Variants in PYGB observed in about 807,000 individuals in gnomAD.
The protein encoded by PYGB is glycogen phosphorylase B.
A neutral mutation model predicts 94.3 loss-of-function variants in PYGB; 82 were observed. That is an observed-to-expected ratio of 0.87 (90% CI 0.73 to 1.04). The LOEUF (loss-of-function observed/expected upper bound fraction) is 1.04, where lower values mean the gene tolerates loss of function less well. Among genes scored for constraint, PYGB ranks in the 50% least tolerant of loss-of-function variants. The pLI is 0.00. For synonymous variants in PYGB, 488 were observed against 479.1 expected, an observed-to-expected ratio of 1.02 and a Z score of -0.24; for missense variants, 1,132 against 1,158.2, an observed-to-expected ratio of 0.98 and a Z score of 0.33.
chr20:25,261,785 A>C (rs1387026747), intron 2 of PYGB, among the ~76,000 whole-genome samples: 1 of 152,232 alleles, frequency 6.6e-6, no homozygotes, highest in East Asian at 1.9e-4. Flanking sequence ...AAGTCCTTAA[A>C]TGACCTGACG....
At chr20:25,270,321 C>T (rs1386134157) in intron 3 of PYGB, among the ~76,000 whole-genome samples, 1 of 151,574 alleles carries the variant, frequency 6.6e-6, no homozygotes, top group African/African-American at 2.4e-5. Context: ...CCTGCCTCAG[C>T]CTCCCCAAGT....
chr20:25,292,266 G>GGGAGCAGGGAGTA (rs2088474558), intron 16 of PYGB, 140 bp from the exon 17 acceptor site: 3 of 982,508 alleles, frequency 3.1e-6, no homozygotes, highest in Non-Finnish European at 4.4e-6. Flanking sequence ...GAGCGGGAGT[G>GGGAGCAGGGAGTA]GGGGCTGGAG....
chr20:25,256,508 A>C (rs8114792), intron 1 of PYGB, among the ~76,000 whole-genome samples: 78,338 of 146,774 alleles, frequency 0.53, 21,092 homozygotes, highest in East Asian at 0.98. Flanking sequence ...AAAAAAAAAA[A>C]CAAAAACAAA....
chr20:25,281,042 CT>C lies in PYGB; in HGVS notation c.1334del (p.Leu445ArgfsTer3). On this transcript the variant is annotated frameshift_variant, in exon 11 of 20. Transcript: ENST00000216962. LOFTEE classifies it high-confidence loss of function. ...GDCKRINMAH[L>X]CVIGSHAVNG... Reference sequence around the variant, plus strand: ...CTGCAAGCGGATCAACATGGCCCACCTGTGTGTGATTGGGTCCCATGCTGTC... The same window carrying C: ...CTGCAAGCGGATCAACATGGCCCACCGTGTGTGATTGGGTCCCATGCTGTC... 1 of 1,614,194 alleles carries C rather than the reference CT, an allele frequency of 6.2e-7. No individual in the cohort carries two copies. The highest frequency in any genetic ancestry group is 8.5e-7 in the Non-Finnish European group (1 of 1,180,026).
In PYGB at chr20:25,288,640, C is replaced by G. The variant is rs1370474371; in HGVS notation, c.1827+157C>G. 5 of 824,496 alleles carry G rather than the reference C, an allele frequency of 6.1e-6. No individual in the cohort carries two copies. The South Asian group carries it at 6.8e-5, about 11-fold the overall frequency. 51.1% of individuals were successfully genotyped at this position (824,496 alleles called of 1,614,324 possible). A position where few individuals can be genotyped will look rare whatever the true frequency, so the allele number is the denominator to read the frequency against. Reference sequence around the variant, plus strand: ...TGGTATGCCTGTGGGGGTGGGGACCCTGTAGAGAGTCAGAATGGGATGGAA... The same window carrying G: ...TGGTATGCCTGTGGGGGTGGGGACCGTGTAGAGAGTCAGAATGGGATGGAA... On this transcript the variant is annotated intron_variant, in intron 15 of 19. Coordinates refer to ENST00000216962, the MANE Select transcript of PYGB (RefSeq NM_002862.4).
At chr20:25,259,159 A>G in intron 1 of PYGB, 78 bp from the exon 2 acceptor site, 1 of 1,274,054 alleles carries the variant, frequency 7.8e-7, no homozygotes, top group Admixed American at 1.8e-5. Context: ...GCTTGGCTTC[A>G]TGGGTCGTGT....
At chr20:25,270,601 A>G (rs12625357) in intron 3 of PYGB, among the ~76,000 whole-genome samples, 17,449 of 152,056 alleles carry the variant, frequency 0.11, 1,790 homozygotes, top group East Asian at 0.58. Context: ...GGGCTCAAGC[A>G]ATCCCCCAAC....
rs762272056 is a variant in PYGB, at chr20:25,292,544, A to C, written c.2108A>C (p.Glu703Ala). The C allele has an allele frequency of 7.4e-6, 12 of 1,613,282 alleles. No individual in the cohort carries two copies. Among genetic ancestry groups the C allele is most frequent in the Middle Eastern group, 3.3e-4 (2 of 6,062 alleles). ...MDGANVEMAE[E>A]AGAENLFIFG... ...GGCGCCAACGTGGAGATGGCCGAGG[A>C]GGCCGGGGCCGAGAACCTCTTCATC... Residue 703 changes from glutamate to alanine, a missense_variant, in exon 17 of 20, where the codon GAG (glutamate) becomes GCG (alanine). Transcript: ENST00000216962.
At chr20:25,260,676 G>C (rs1398370099) in intron 2 of PYGB, among the ~76,000 whole-genome samples, 1 of 152,186 alleles carries the variant, frequency 6.6e-6, no homozygotes, top group Non-Finnish European at 1.5e-5. Context: ...AAAGCAGGGC[G>C]AGGCATTGCC....
rs188002147 is a variant in PYGB at position 25,262,734 on chromosome 20, A to C, written c.345+3396A>C. Among the ~76,000 whole-genome samples the C allele has an allele frequency of 1.4e-3, 206 of 151,956 alleles. 1 individual carries two copies. Among genetic ancestry groups the C allele is most frequent in the African/African-American group, 4.7e-3 (194 of 41,228 alleles). On this transcript the variant is annotated intron_variant, in intron 2 of 19. Coordinates refer to ENST00000216962, the MANE Select transcript of PYGB (RefSeq NM_002862.4). ...TTCAGGAGACCCATCTCACATGCGG[A>C]GACACACATAGGCTCAAAATAAAGG...
At chr20:25,266,301 C>T (rs1027108152) in intron 2 of PYGB, among the ~76,000 whole-genome samples, 6 of 151,302 alleles carry the variant, frequency 4.0e-5, no homozygotes, top group South Asian at 2.1e-4. Flanking sequence ...CAGTGGAGAA[C>T]GATGTCTTTT....
intron 6 of PYGB, 46 bp from the exon 7 acceptor site, chr20:25,277,198 G>C: frequency 6.8e-7 from 1 of 1,462,718 alleles, no homozygotes; most frequent in South Asian, 1.1e-5. Context: ...TGCAGTGCTG[G>C]TGCCAGGAGG....
Position 25,278,232 on chromosome 20 carries a change from C to T in PYGB, c.856-87C>T, listed in dbSNP as rs2088331209. On this transcript the variant is annotated intron_variant, in intron 7 of 19. Coordinates refer to ENST00000216962, the MANE Select transcript of PYGB (RefSeq NM_002862.4). Reference sequence around the variant, plus strand: ...TGGGCTCCTCTCGGCCTTCTGCCTGCACCTTTGAGCCAGGTCGCTGACCTG... The same window carrying T: ...TGGGCTCCTCTCGGCCTTCTGCCTGTACCTTTGAGCCAGGTCGCTGACCTG... The T allele has an allele frequency of 5.9e-6, 6 of 1,010,576 alleles. No homozygotes were observed. The African/African-American group carries it at 7.5e-5, about 13-fold the overall frequency. 62.6% of individuals were successfully genotyped at this position (1,010,576 alleles called of 1,614,324 possible). A position where few individuals can be genotyped will look rare whatever the true frequency, so the allele number is the denominator to read the frequency against.
At chr20:25,277,130 G>C in intron 6 of PYGB, 114 bp from the exon 7 acceptor site, 2 of 780,168 alleles carry the variant, frequency 2.6e-6, no homozygotes, top group South Asian at 3.1e-5. Flanking sequence ...GCAGCGGCTG[G>C]GGGAGTCCTG....
At chr20:25,259,761 CTA>C (rs2092909614) in intron 2 of PYGB, among the ~76,000 whole-genome samples, 1 of 152,204 alleles carries the variant, frequency 6.6e-6, no homozygotes, top group African/African-American at 2.4e-5. Flanking sequence ...TGTAAAAGCA[CTA>C]TTTCTCCCCT....
At chr20:25,264,451 AG>A (rs1295940764) in intron 2 of PYGB, among the ~76,000 whole-genome samples, 1 of 152,196 alleles carries the variant, frequency 6.6e-6, no homozygotes, top group Non-Finnish European at 1.5e-5. Flanking sequence ...AAAGAAATAA[AG>A]GGTATTCAGT....
intron 15 of PYGB, among the ~76,000 whole-genome samples, chr20:25,289,669 G>T (rs1012826279): frequency 4.0e-5 from 6 of 151,792 alleles, no homozygotes; most frequent in Non-Finnish European, 8.8e-5. Flanking sequence ...AAAAAAAGAA[G>T]GAAACATTTG....
chr20:25,294,072 G>C (rs766549630), intron 17 of PYGB, 86 bp from the exon 18 acceptor site: 6 of 1,547,816 alleles, frequency 3.9e-6, no homozygotes, highest in Non-Finnish European at 5.2e-6. Flanking sequence ...CTGGGGCAGG[G>C]GCTGTGCCAG....
intron 3 of PYGB, among the ~76,000 whole-genome samples, chr20:25,270,879 G>C (rs957462058): frequency 6.6e-6 from 1 of 152,186 alleles, no homozygotes; most frequent in Non-Finnish European, 1.5e-5. Context: ...TTAATGACAC[G>C]TGCTATAGCG....
Sources: allele counts gnomAD v4.1 joint callset (sites outside exome capture counted in the v4.1 genomes callset), GRCh38; gene constraint gnomAD v4.1.1; transcripts MANE v1.5; gene names NCBI Gene and HGNC (gene_info 2026-07-23, HGNC 2026-07-21).